The following NUP50 variants were observed in gnomAD, a reference collection of about 807,000 sequenced individuals.
The protein encoded by NUP50 is nucleoporin 50.
A neutral mutation model predicts 36.8 loss-of-function variants in NUP50; 14 were observed. That is an observed-to-expected ratio of 0.38 (90% CI 0.25 to 0.59). The LOEUF (loss-of-function observed/expected upper bound fraction) is 0.59. Among genes scored for constraint, NUP50 ranks in the 20% least tolerant of loss-of-function variants. The pLI, the probability that NUP50 is intolerant of heterozygous loss-of-function variation, is 0.63. For synonymous variants in NUP50, 195 were observed against 210.8 expected (o/e 0.93, Z 0.65); for missense variants, 455 against 564.6 (o/e 0.81, Z 1.97).
intron 1 of NUP50, among the ~76,000 whole-genome samples, chr22:45,167,260 G>C (rs2074109153): frequency 6.6e-6 from 1 of 152,202 alleles, no homozygotes; most frequent in Non-Finnish European, 1.5e-5. Flanking sequence ...GGTAGCAGGG[G>C]AAATGGAAAG....
intron 1 of NUP50, among the ~76,000 whole-genome samples, chr22:45,165,428 A>G (rs1361427927): frequency 1.3e-5 from 2 of 152,098 alleles, no homozygotes; most frequent in African/African-American, 4.8e-5. Context: ...CATCTAATCT[A>G]TGTCCATCTT....
chr22:45,183,587 G>T, intron 7 of NUP50, 67 bp downstream of exon 7: 1 of 976,980 alleles, frequency 1.0e-6, no homozygotes, highest in South Asian at 1.3e-5. Flanking sequence ...TTACCCTGCT[G>T]ACTCAAGGTT....
intron 5 of NUP50, among the ~76,000 whole-genome samples, 184 bp from the exon 6 acceptor site, chr22:45,181,100 AAT>A (rs1359481337): frequency 6.6e-6 from 1 of 151,496 alleles, no homozygotes; most frequent in South Asian, 2.1e-4. Context: ...TTTTTCACAA[AAT>A]AGTTAAAATC....
Position 45,184,894 on chromosome 22 carries a change from G to C in NUP50, c.*239G>C. ...ATACATTTGAATGCAATTTTTGGAA[G>C]ATTTTTTAATGTTCGTTTATTAAAC... On this transcript the variant is annotated 3_prime_UTR_variant, in exon 8 of 8. Transcript: ENST00000347635. 1.8e-6 allele frequency: 1 copy of C among 544,636 alleles called. No homozygotes were observed. Among genetic ancestry groups the C allele is most frequent in the Admixed American group, 3.5e-5 (1 of 28,962 alleles). 33.7% of individuals were successfully genotyped at this position (544,636 alleles called of 1,614,324 possible).
At chr22:45,173,472 T>C (rs1347802533) in intron 3 of NUP50, among the ~76,000 whole-genome samples, 3 of 152,026 alleles carry the variant, frequency 2.0e-5, no homozygotes, top group Non-Finnish European at 4.4e-5. Context: ...AGGGACAGTT[T>C]AATTAAGGAG....
intron 1 of NUP50, among the ~76,000 whole-genome samples, chr22:45,167,476 TC>T (rs994710035): frequency 6.6e-6 from 1 of 152,226 alleles, no homozygotes; most frequent in Non-Finnish European, 1.5e-5. Context: ...TCCTGCCCCT[TC>T]CACTAATGCC....
At chr22:45,171,889 T>C in intron 3 of NUP50, 1 of 486,364 alleles carries the variant, frequency 2.1e-6, no homozygotes, top group Admixed American at 3.3e-5. Context: ...ATAAGATAAA[T>C]ATAGACAAAT....
In NUP50 at chr22:45,185,931, C is replaced by T. The variant is rs2074463761; in HGVS notation, c.*1276C>T. 2 of 152,266 alleles carry T rather than the reference C, an allele frequency of 1.3e-5. No homozygotes were observed. Among genetic ancestry groups the T allele is most frequent in the East Asian group, 1.9e-4 (1 of 5,202 alleles). The allele number at this position is 152,266 out of a possible 1,614,324, so 9.4% of individuals were successfully genotyped here. A position where few individuals can be genotyped will look rare whatever the true frequency, so the allele number is the denominator to read the frequency against. On this transcript the variant is annotated 3_prime_UTR_variant, in exon 8 of 8. Coordinates refer to ENST00000347635, the MANE Select transcript of NUP50 (RefSeq NM_007172.4). ...TGTGTACAGGCTCAGGGTCAGTGCC[C>T]AAGGGCTCCCGCGTGTGTGTTCTGA...
intron 1 of NUP50, chr22:45,165,794 C>T (rs2074086056): frequency 6.6e-6 from 1 of 152,210 alleles, no homozygotes; most frequent in Non-Finnish European, 1.5e-5. Context: ...TTAAGCCCTT[C>T]CTCTGCTCCA....
rs1601797135 is a variant in NUP50, at chr22:45,186,495, G to A, written c.*1840G>A. 2 of 152,452 alleles carry A rather than the reference G, an allele frequency of 1.3e-5. No individual in the cohort carries two copies. Among genetic ancestry groups the A allele is most frequent in the East Asian group, 3.9e-4 (2 of 5,186 alleles). 9.4% of individuals were successfully genotyped at this position (152,452 alleles called of 1,614,324 possible). A position where few individuals can be genotyped will look rare whatever the true frequency, so the allele number is the denominator to read the frequency against. ...ACACATGCTTCCCTGGTACCAGCTG[G>A]AATCAGCAGCTCACAGGCATCTTCA... On this transcript the variant is annotated 3_prime_UTR_variant, in exon 8 of 8. Transcript: ENST00000347635.
chr22:45,184,501 G>C lies in NUP50; in HGVS notation c.1253G>C (p.Arg418Pro). Residue 418 changes from arginine to proline, a missense_variant, in exon 8 of 8, where the codon CGA becomes CCA. This residue lies in a region of NUP50 where 287 missense variants were observed against 345.5 expected (regional missense o/e 0.83). Transcript: ENST00000347635. ...ATTCCACCCAATATGCCATGTACGC[G>C]AACAGGGAAGAATAACGTTCTTATC... ...VLIPPNMPCTRTGKNNVLIVC... is the reference protein window; with the variant it reads ...VLIPPNMPCTPTGKNNVLIVC... The C allele has an allele frequency of 1.2e-6, 2 of 1,613,794 alleles. No individual in the cohort carries two copies. Among genetic ancestry groups the C allele is most frequent in the South Asian group, 1.1e-5 (1 of 91,058 alleles).
chr22:45,178,964 G>C, intron 5 of NUP50, 64 bp downstream of exon 5: 1 of 1,481,002 alleles, frequency 6.8e-7, no homozygotes. Context: ...GGGAAACCCA[G>C]AGACTTTGAT....
intron 3 of NUP50, among the ~76,000 whole-genome samples, chr22:45,172,926 A>G (rs375321230): frequency 1.8e-4 from 28 of 152,380 alleles, no homozygotes; most frequent in African/African-American, 6.5e-4. Context: ...AATTCGAGGC[A>G]GAGATACGTA....
At chr22:45,178,138 T>TA in intron 4 of NUP50, 100 bp from the exon 5 acceptor site, 1 of 1,050,094 alleles carries the variant, frequency 9.5e-7, no homozygotes. Flanking sequence ...TGGGGGGAGA[T>TA]ACAGTAAAAG....
intron 6 of NUP50, among the ~76,000 whole-genome samples, chr22:45,182,619 G>GTT (rs1460533814): frequency 6.0e-4 from 47 of 78,078 alleles, no homozygotes; most frequent in African/African-American, 2.1e-3. Context: ...GAGCCTTGAG[G>GTT]TTTGTTTTTT....
chr22:45,173,151 G>A (rs1287036954), intron 3 of NUP50, among the ~76,000 whole-genome samples: 1 of 152,162 alleles, frequency 6.6e-6, no homozygotes, highest in African/African-American at 2.4e-5. Context: ...TACAGAGGAA[G>A]CATATCTCAG....
intron 5 of NUP50, among the ~76,000 whole-genome samples, chr22:45,179,790 G>A (rs1481699685): frequency 1.3e-5 from 2 of 152,170 alleles, no homozygotes; most frequent in Non-Finnish European, 2.9e-5. Context: ...AGAGGCTGAG[G>A]TGGGAGTATC....
chr22:45,168,498 A>G (rs1158620183), intron 2 of NUP50, among the ~76,000 whole-genome samples: 3 of 152,212 alleles, frequency 2.0e-5, no homozygotes. Context: ...TGCTCCTTAA[A>G]TATTCTCCTT....
At chr22:45,171,265 C>T (rs964832357) in intron 2 of NUP50, 62 of 840,180 alleles carry the variant, frequency 7.4e-5, no homozygotes, top group Non-Finnish European at 9.0e-5. Context: ...GGTGCTATCT[C>T]GGCTCACTGC....
Sources: gnomAD v4.1 joint callset for allele counts (sites outside exome capture counted in the v4.1 genomes callset) on GRCh38, gnomAD v4.1.1 for gene constraint, gnomAD v4.1.1 regional missense constraint, MANE v1.5 for transcripts, NCBI Gene and HGNC (gene_info 2026-07-23, HGNC 2026-07-21) for gene names.